AFF3: variants seen among roughly 807,000 people sequenced by gnomAD.
AFF3 encodes the protein AF4/FMR2 family member 3.
In AFF3, 32 loss-of-function variants were observed where a neutral mutation model predicts 129.7. The ratio of observed to expected loss-of-function variants is 0.25; its 90% confidence interval spans 0.19 to 0.33. The LOEUF (loss-of-function observed/expected upper bound fraction) is 0.33, where lower values mean the gene tolerates loss of function less well. Ranked by LOEUF, AFF3 falls within the 10% of genes least tolerant of loss-of-function variation. AFF3 has a pLI of 1.00. For missense variants in AFF3, 1,373 were observed against 1,592.0 expected (o/e 0.86, Z 2.34); for synonymous variants, 644 against 635.4 (o/e 1.01, Z -0.20).
At chr2:99,691,397 G>C (rs1675640394) in intron 11 of AFF3, among the ~76,000 whole-genome samples, 1 of 152,208 alleles carries the variant, frequency 6.6e-6, no homozygotes, top group Admixed American at 6.5e-5. Context: ...GGAGCATTCA[G>C]AGTTGCTGAT....
intron 14 of AFF3, among the ~76,000 whole-genome samples, chr2:99,596,477 T>C (rs1319107762): frequency 6.6e-6 from 1 of 152,248 alleles, no homozygotes; most frequent in African/African-American, 2.4e-5. Context: ...TGCCTTCGCC[T>C]GTGCCTCAGC....
intron 8 of AFF3, among the ~76,000 whole-genome samples, chr2:99,800,077 G>C (rs947849490): frequency 2.0e-5 from 3 of 152,080 alleles, no homozygotes; most frequent in Non-Finnish European, 2.9e-5. Flanking sequence ...ATGTAAAACA[G>C]AACTTCATAG....
At chr2:99,976,676 T>A (rs1344567180) in intron 7 of AFF3, among the ~76,000 whole-genome samples, 1 of 152,338 alleles carries the variant, frequency 6.6e-6, no homozygotes, top group South Asian at 2.1e-4. Context: ...AAAACGGGAA[T>A]GGACAGCAAC....
chr2:100,120,061 A>G (rs1261602660), intron 2 of AFF3, among the ~76,000 whole-genome samples: 1 of 152,238 alleles, frequency 6.6e-6, no homozygotes, highest in Non-Finnish European at 1.5e-5. Flanking sequence ...GCAAAGGGAT[A>G]TCATCTAGTC....
chr2:99,648,917 A>ACTCTCTCTCTCTCT (rs769906171), intron 13 of AFF3, among the ~76,000 whole-genome samples: 7 of 46,938 alleles, frequency 1.5e-4, no homozygotes, highest in Middle Eastern at 0.011. Flanking sequence ...ACACACACAC[A>ACTCTCTCTCTCTCT]CTCTCTCTCT....
intron 2 of AFF3, among the ~76,000 whole-genome samples, chr2:100,116,736 C>G (rs1231031480): frequency 1.3e-5 from 2 of 152,030 alleles, no homozygotes; most frequent in African/African-American, 4.8e-5. Context: ...AGTTAATTTT[C>G]ATTAGCATTT....
At chr2:99,972,281 A>C (rs1173147267) in intron 7 of AFF3, among the ~76,000 whole-genome samples, 1 of 152,198 alleles carries the variant, frequency 6.6e-6, no homozygotes, top group African/African-American at 2.4e-5. Context: ...TCACAGGAAG[A>C]CCCAAAGATC....
intron 4 of AFF3, among the ~76,000 whole-genome samples, chr2:100,103,863 C>T (rs1322026228): frequency 2.6e-5 from 4 of 151,834 alleles, no homozygotes; most frequent in African/African-American, 9.7e-5. Context: ...TCGTTTCCTG[C>T]CCTGGATGTT....
chr2:99,988,060 A>G lies in AFF3; in HGVS notation c.873+18572T>C, dbSNP rs559135592. Among the ~76,000 whole-genome samples, 10 of 152,312 alleles carry G rather than the reference A, an allele frequency of 6.6e-5. No homozygotes were observed. The East Asian group carries it at 1.9e-3, about 29-fold the overall frequency. On this transcript the variant is annotated intron_variant, in intron 7 of 24. Coordinates refer to ENST00000672756, the MANE Select transcript of AFF3 (RefSeq NM_001386135.1). ...GAACAATAAAAGAGGCAGCTATGTG[A>G]GCCGACTGAAAATATAATATGATGG...
chr2:100,036,834 G>GAA (rs60910274), intron 4 of AFF3, among the ~76,000 whole-genome samples: 33 of 118,728 alleles, frequency 2.8e-4, no homozygotes, highest in Middle Eastern at 4.3e-3. Flanking sequence ...ACTCCAAACA[G>GAA]AAAAAAAAAA....
intron 21 of AFF3, among the ~76,000 whole-genome samples, chr2:99,559,522 T>C (rs1050606426): frequency 1.1e-4 from 17 of 152,262 alleles, no homozygotes; most frequent in Admixed American, 1.1e-3. Flanking sequence ...TCCTATAATA[T>C]TTTGTATACT....
chr2:99,811,551 A>C (rs955957478), intron 8 of AFF3, among the ~76,000 whole-genome samples: 5 of 152,186 alleles, frequency 3.3e-5, no homozygotes, highest in African/African-American at 1.2e-4. Context: ...TATGTTGCCA[A>C]AAGAAGAGAT....
chr2:99,607,928 G>A (rs1308592720), intron 13 of AFF3, among the ~76,000 whole-genome samples: 2 of 152,154 alleles, frequency 1.3e-5, no homozygotes, highest in Non-Finnish European at 2.9e-5. Context: ...TGGTAAATGC[G>A]GGATTGAAGA....
intron 4 of AFF3, among the ~76,000 whole-genome samples, chr2:100,069,062 A>C (rs546587879): frequency 6.6e-6 from 1 of 151,832 alleles, no homozygotes; most frequent in Non-Finnish European, 1.5e-5. Flanking sequence ...CCCAGGTGTT[A>C]AGCCTAGTAC....
At chr2:99,636,351 G>A (rs779468514) in intron 13 of AFF3, among the ~76,000 whole-genome samples, 14 of 152,264 alleles carry the variant, frequency 9.2e-5, no homozygotes, top group African/African-American at 3.4e-4. Context: ...CTGTCCAGTC[G>A]GCTGGATTGG....
chr2:99,791,038 A>T (rs1217283450), intron 8 of AFF3, among the ~76,000 whole-genome samples: 1 of 152,266 alleles, frequency 6.6e-6, no homozygotes, highest in Admixed American at 6.5e-5. Flanking sequence ...AAAAGAAACC[A>T]GGCACAAAGA....
chr2:99,870,650 G>A (rs1430371072), intron 7 of AFF3, among the ~76,000 whole-genome samples: 1 of 152,186 alleles, frequency 6.6e-6, no homozygotes, highest in African/African-American at 2.4e-5. Context: ...TGGCAGGCTG[G>A]GCAAGTTCCC....
chr2:99,718,293 A>G (rs769757446), intron 11 of AFF3, among the ~76,000 whole-genome samples: 7 of 152,230 alleles, frequency 4.6e-5, no homozygotes, highest in Admixed American at 6.5e-5. Context: ...TTTCCAATTC[A>G]TGAACGTCTC....
chr2:99,957,887 T>A (rs1676817017), intron 7 of AFF3, among the ~76,000 whole-genome samples: 1 of 152,128 alleles, frequency 6.6e-6, no homozygotes, highest in Non-Finnish European at 1.5e-5. Context: ...TCACACTCAG[T>A]CACTGGGGCT....
Sources: gnomAD v4.1 joint callset for allele counts (sites outside exome capture counted in the v4.1 genomes callset) on GRCh38, gnomAD v4.1.1 for gene constraint, MANE v1.5 for transcripts, NCBI Gene and HGNC (gene_info 2026-07-23, HGNC 2026-07-21) for gene names.